OVCH1: variants seen among roughly 807,000 people sequenced by gnomAD.
OVCH1 encodes the protein ovochymase 1, also known as ovochymase-1.
A neutral mutation model predicts 138.4 loss-of-function variants in OVCH1; 139 were observed. That is an observed-to-expected ratio of 1.00 (90% confidence interval 0.87 to 1.16). OVCH1 has a LOEUF of 1.16. Ranked by LOEUF, OVCH1 falls within the 50% of genes most tolerant of loss-of-function variation. The pLI is 0.00. For synonymous variants in OVCH1, 453 were observed against 467.8 expected, an observed-to-expected ratio of 0.97 and a Z score of 0.41; for missense variants, 1,367 against 1,357.9, an observed-to-expected ratio of 1.01 and a Z score of -0.11.
chr12:29,451,627 A>G, intron 21 of OVCH1, 58 bp from the exon 22 acceptor site: 1 of 1,351,276 alleles, frequency 7.4e-7, no homozygotes, highest in Non-Finnish European at 1.0e-6. Flanking sequence ...AAGAAAAACC[A>G]GATTCTATCA....
chr12:29,464,603 T>G, exon 18 of OVCH1: 2 of 1,613,560 alleles, frequency 1.2e-6, no homozygotes, highest in Non-Finnish European at 1.7e-6. Flanking sequence ...ACCACCGAGT[T>G]GTACTCCAGA....
chr12:29,474,103 A>ACG (rs1348924373), intron 14 of OVCH1, among the ~76,000 whole-genome samples: 1 of 144,396 alleles, frequency 6.9e-6, no homozygotes. Flanking sequence ...ACACACACAC[A>ACG]CATATATATA....
At chr12:29,476,769 A>G (rs867663598) in intron 12 of OVCH1, among the ~76,000 whole-genome samples, 6,437 of 83,678 alleles carry the variant, frequency 0.077, 329 homozygotes, top group African/African-American at 0.19. Context: ...ACACACACAC[A>G]CACACACACA....
chr12:29,402,670 G>A, the OVCH1 span, among the ~76,000 whole-genome samples: 4 of 150,032 alleles, frequency 2.7e-5, no homozygotes, highest in South Asian at 2.1e-4. Context: ...GAAGAGGGAG[G>A]TTGTTAATTG....
intron 4 of OVCH1, among the ~76,000 whole-genome samples, chr12:29,493,683 C>T (rs1049311904): frequency 1.6e-4 from 24 of 152,198 alleles, no homozygotes; most frequent in African/African-American, 5.8e-4. Flanking sequence ...GTTTTACTGG[C>T]TTATTTTCAA....
chr12:29,443,842 C>A (rs1941547792), intron 24 of OVCH1, among the ~76,000 whole-genome samples: 1 of 152,056 alleles, frequency 6.6e-6, no homozygotes, highest in African/African-American at 2.4e-5. Flanking sequence ...TAAGTATCTA[C>A]TATGTACCCA....
At chr12:29,420,774 C>T (rs1941092232) in intron 3 of OVCH1, among the ~76,000 whole-genome samples, 1 of 8,058 alleles carries the variant, frequency 1.2e-4, no homozygotes, top group Non-Finnish European at 4.3e-4. Context: ...CCTCGGCCTC[C>T]CAAAGTGCTG....
chr12:29,426,191 T>A (rs1374742112), downstream of OVCH1: 3 of 152,200 alleles, frequency 2.0e-5, no homozygotes, highest in Non-Finnish European at 4.4e-5. Context: ...TATATTAATA[T>A]TTCTTTGCTA....
At chr12:29,413,280 G>A (rs1351963732) in intron 3 of OVCH1, among the ~76,000 whole-genome samples, 3 of 152,012 alleles carry the variant, frequency 2.0e-5, no homozygotes, top group Non-Finnish European at 4.4e-5. Context: ...ATCCTCCCAC[G>A]ACAATAGGAA....
downstream of OVCH1, chr12:29,427,492 G>A: frequency 3.9e-6 from 6 of 1,532,708 alleles, no homozygotes; most frequent in South Asian, 6.1e-5. Flanking sequence ...GAATGATTGA[G>A]GACGTGAAAC....
chr12:29,419,044 A>G (rs1404388621), intron 3 of OVCH1, among the ~76,000 whole-genome samples: 2 of 151,734 alleles, frequency 1.3e-5, no homozygotes, highest in Non-Finnish European at 2.9e-5. Context: ...TTTTGTAGAG[A>G]TGGAGGTCTT....
chr12:29,496,793 C>T (rs774096108), intron 1 of OVCH1, 119 bp from the exon 2 acceptor site: 265 of 677,522 alleles, frequency 3.9e-4, no homozygotes, highest in Non-Finnish European at 5.9e-4. Context: ...CACTTAGCTG[C>T]AGACTACCAC....
chr12:29,444,682 C>T (rs1255400929), intron 23 of OVCH1, among the ~76,000 whole-genome samples: 1 of 151,962 alleles, frequency 6.6e-6, no homozygotes, highest in East Asian at 1.9e-4. Context: ...ATAACATATT[C>T]TCAGCAATGC....
intron 26 of OVCH1, chr12:29,433,944 T>A (rs1295920201): frequency 2.5e-5 from 17 of 671,186 alleles, no homozygotes; most frequent in Non-Finnish European, 3.7e-5. Context: ...TAAAAAAAAA[T>A]GAGTGTGAAT....
At chr12:29,472,033 A>C in intron 15 of OVCH1, 51 bp from the exon 16 acceptor site, 1 of 1,505,628 alleles carries the variant, frequency 6.6e-7, no homozygotes, top group Non-Finnish European at 9.0e-7. Flanking sequence ...AATTTAGAAC[A>C]TACTCCTCCA....
intron 5 of OVCH1, among the ~76,000 whole-genome samples, chr12:29,490,608 T>C (rs1361202073): frequency 2.0e-5 from 3 of 152,204 alleles, no homozygotes; most frequent in Non-Finnish European, 2.9e-5. Context: ...ATTTCAAGTA[T>C]TCAATATATT....
intron 3 of OVCH1, among the ~76,000 whole-genome samples, chr12:29,415,964 A>C (rs1941025696): frequency 6.6e-6 from 1 of 152,138 alleles, no homozygotes; most frequent in Non-Finnish European, 1.5e-5. Flanking sequence ...ACAAAAAAAA[A>C]GATCCCAGAA....
intron 27 of OVCH1, chr12:29,433,696 G>T (rs901760052): frequency 5.8e-6 from 8 of 1,378,484 alleles, no homozygotes; most frequent in African/African-American, 4.5e-5. Context: ...AATAATTCTC[G>T]GTTTAAATGT....
chr12:29,413,355 A>T (rs1042334003), intron 3 of OVCH1, among the ~76,000 whole-genome samples: 4 of 152,162 alleles, frequency 2.6e-5, no homozygotes, highest in Non-Finnish European at 4.4e-5. Flanking sequence ...TTAAAAATAC[A>T]TCTGCCCTTT....
Sources: gnomAD v4.1 joint callset for allele counts (sites outside exome capture counted in the v4.1 genomes callset) on GRCh38, gnomAD v4.1.1 for gene constraint, MANE v1.5 for transcripts, NCBI Gene and HGNC (gene_info 2026-07-23, HGNC 2026-07-21) for gene names.